AGBL1: variants seen among roughly 807,000 people sequenced by gnomAD.
The protein encoded by AGBL1 is cytosolic carboxypeptidase 4.
In AGBL1, 130 loss-of-function variants were observed where a neutral mutation model predicts 118.9. The ratio of observed to expected loss-of-function variants is 1.09; its 90% confidence interval spans 0.95 to 1.26. AGBL1 has a LOEUF of 1.26. Among genes scored for constraint, AGBL1 ranks in the 50% most tolerant of loss-of-function variants. The pLI, the probability that AGBL1 is intolerant of heterozygous loss-of-function variation, is 0.00. For missense variants in AGBL1, 1,584 were observed against 1,298.1 expected (o/e 1.22, Z -3.38); for synonymous variants, 555 against 478.9 (o/e 1.16, Z -2.08).
intron 23 of AGBL1, among the ~76,000 whole-genome samples, chr15:86,932,380 T>A (rs781061310): frequency 7.4e-4 from 113 of 152,328 alleles, no homozygotes; most frequent in Non-Finnish European, 1.3e-3. Flanking sequence ...GTCATTTGAT[T>A]AATGCCAGCA....
chr15:86,881,963 C>T (rs1162674038), intron 22 of AGBL1, among the ~76,000 whole-genome samples: 1 of 152,158 alleles, frequency 6.6e-6, no homozygotes, highest in Admixed American at 6.5e-5. Context: ...CTCCCACCAG[C>T]GCCCACCTCC....
chr15:86,502,279 A>T (rs1390559534), intron 18 of AGBL1, among the ~76,000 whole-genome samples: 1 of 151,564 alleles, frequency 6.6e-6, no homozygotes, highest in East Asian at 1.9e-4. Context: ...ATATTTGTGC[A>T]TTAATCTTAA....
At chr15:86,417,044 A>G (rs4493015) in intron 18 of AGBL1, among the ~76,000 whole-genome samples, 42,407 of 152,086 alleles carry the variant, frequency 0.28, 6,609 homozygotes, top group East Asian at 0.62. Context: ...AATCTTAGAG[A>G]ACTTAACGTC....
At chr15:86,669,512 C>T (rs1402033556) in intron 21 of AGBL1, among the ~76,000 whole-genome samples, 1 of 152,036 alleles carries the variant, frequency 6.6e-6, no homozygotes, top group African/African-American at 2.4e-5. Context: ...TCAAAAAGAT[C>T]ATGGATGACA....
chr15:86,122,924 A>G (rs1856458258), intron 1 of AGBL1, among the ~76,000 whole-genome samples: 1 of 152,192 alleles, frequency 6.6e-6, no homozygotes, highest in Admixed American at 6.5e-5. Flanking sequence ...TTTCATAGCA[A>G]TAAGACACCA....
At chr15:86,993,792 C>A (rs771107869) in intron 24 of AGBL1, among the ~76,000 whole-genome samples, 10 of 152,248 alleles carry the variant, frequency 6.6e-5, no homozygotes, top group Middle Eastern at 3.4e-3. Context: ...ATGTCAGATC[C>A]CCTTCTCAGT....
intron 18 of AGBL1, among the ~76,000 whole-genome samples, chr15:86,402,214 A>T (rs925760419): frequency 6.6e-6 from 1 of 151,238 alleles, no homozygotes; most frequent in Non-Finnish European, 1.5e-5. Flanking sequence ...TTATTTATTT[A>T]TTTTTACAGC....
chr15:86,681,556 G>A lies in AGBL1; in HGVS notation c.3158+7120G>A, dbSNP rs146483419. Among the ~76,000 whole-genome samples, 6 of 152,244 alleles carry A rather than the reference G, an allele frequency of 3.9e-5. No individual in the cohort carries two copies. In the East Asian group the frequency reaches 5.8e-4, roughly 15 times the overall value. On this transcript the variant is annotated intron_variant, in intron 22 of 22. Transcript: ENST00000614907. ...TTGCAGGATGTTTCACCACCTCTAG[G>A]TTGTGCTTCTTACCTGTTTCTGCTC...
rs2086619360 is a variant in AGBL1 at position 86,715,173 on chromosome 15, A to C, written c.3158+40737A>C. ...CTGCAAAGCTGAATGCTGAGAATGGAGTTGTTCTGCTAGGTCTGAAGTCAG... is the reference window on the plus strand; with the variant it reads ...CTGCAAAGCTGAATGCTGAGAATGGCGTTGTTCTGCTAGGTCTGAAGTCAG... On this transcript the variant is annotated intron_variant, in intron 22 of 22. Transcript: ENST00000614907. 2.0e-5 allele frequency among the ~76,000 whole-genome samples: 3 copies of C among 152,168 alleles called. No homozygotes were observed. In the South Asian group the frequency reaches 6.2e-4, roughly 32 times the overall value.
chr15:86,179,344 G>C (rs888241911), intron 5 of AGBL1, among the ~76,000 whole-genome samples: 1 of 152,044 alleles, frequency 6.6e-6, no homozygotes, highest in African/African-American at 2.4e-5. Flanking sequence ...AATTGTTATC[G>C]ACAATATATA....
At chr15:86,902,835 T>G (rs1358539722) in intron 22 of AGBL1, among the ~76,000 whole-genome samples, 2 of 152,158 alleles carry the variant, frequency 1.3e-5, no homozygotes, top group Non-Finnish European at 2.9e-5. Context: ...TTTCAAGATT[T>G]TAAGTTTGTC....
intron 22 of AGBL1, among the ~76,000 whole-genome samples, chr15:86,822,498 G>T (rs556812238): frequency 6.6e-6 from 1 of 152,028 alleles, no homozygotes; most frequent in African/African-American, 2.4e-5. Context: ...ATTGGGATGA[G>T]GTGAAGGTGG....
intron 17 of AGBL1, among the ~76,000 whole-genome samples, chr15:86,356,951 T>C (rs181497587): frequency 6.6e-6 from 1 of 152,336 alleles, no homozygotes; most frequent in Admixed American, 6.5e-5. Flanking sequence ...TTTCTCAAGT[T>C]CTAAAACAAT....
At chr15:86,607,995 A>G (rs759695008) in intron 21 of AGBL1, among the ~76,000 whole-genome samples, 9 of 152,192 alleles carry the variant, frequency 5.9e-5, no homozygotes, top group Admixed American at 4.6e-4. Flanking sequence ...CTGGAGGACC[A>G]CTTTGAAACC....
intron 22 of AGBL1, among the ~76,000 whole-genome samples, chr15:86,871,743 A>G (rs2079731022): frequency 6.6e-6 from 1 of 152,128 alleles, no homozygotes; most frequent in Non-Finnish European, 1.5e-5. Flanking sequence ...AAAATAACAC[A>G]GCTCTGACTT....
chr15:86,263,202 A>G (rs768431368), intron 10 of AGBL1, among the ~76,000 whole-genome samples: 1 of 152,220 alleles, frequency 6.6e-6, no homozygotes, highest in Non-Finnish European at 1.5e-5. Flanking sequence ...ATGGTCCCAT[A>G]AGATTATAAT....
intron 17 of AGBL1, among the ~76,000 whole-genome samples, chr15:86,368,238 C>A (rs1290250323): frequency 6.6e-6 from 1 of 151,742 alleles, no homozygotes; most frequent in Non-Finnish European, 1.5e-5. Context: ...TGAGGGAAGA[C>A]AAAAACAGCA....
At chr15:86,606,758 T>A (rs2084582966) in intron 21 of AGBL1, among the ~76,000 whole-genome samples, 1 of 152,188 alleles carries the variant, frequency 6.6e-6, no homozygotes, top group South Asian at 2.1e-4. Context: ...CTTCCCCTAT[T>A]ATTAACATTT....
intron 18 of AGBL1, among the ~76,000 whole-genome samples, chr15:86,459,765 G>A (rs2082307387): frequency 6.6e-6 from 1 of 152,070 alleles, no homozygotes; most frequent in Non-Finnish European, 1.5e-5. Flanking sequence ...ACTCCTAAGG[G>A]TATATTCTCA....
Sources: gnomAD v4.1 joint callset for allele counts (sites outside exome capture counted in the v4.1 genomes callset) on GRCh38, gnomAD v4.1.1 for gene constraint, MANE v1.5 for transcripts, NCBI Gene and HGNC (gene_info 2026-07-23, HGNC 2026-07-21) for gene names.